ITFG1: variants seen among roughly 807,000 people sequenced by gnomAD.
ITFG1 encodes T-cell immunomodulatory protein.
Under a neutral mutation model 81.8 loss-of-function variants are expected in ITFG1, and 34 were observed. The observed-to-expected ratio is 0.42, with a 90% CI of 0.32 to 0.55. The LOEUF is 0.55. ITFG1 is among the 20% of genes least tolerant of loss of function. The pLI is 0.17. For missense variants in ITFG1, 672 were observed against 755.4 expected, an observed-to-expected ratio of 0.89 and a Z score of 1.29; for synonymous variants, 285 against 270.6, an observed-to-expected ratio of 1.05 and a Z score of -0.52.
chr16:47,326,035 A>G (rs1967534592), intron 8 of ITFG1, among the ~76,000 whole-genome samples: 1 of 152,238 alleles, frequency 6.6e-6, no homozygotes, highest in Non-Finnish European at 1.5e-5. Flanking sequence ...AGAGAATTTT[A>G]GACCAATATC....
rs967340276 is a variant in ITFG1, at chr16:47,377,996, G to T, written c.656-2056C>A. 2.0e-5 allele frequency among the ~76,000 whole-genome samples: 3 copies of T among 152,296 alleles called. No homozygotes were observed. In the East Asian group the frequency reaches 5.8e-4, roughly 29 times the overall value. ...TGGGGAAAGAAGGGTCTACGTTAAA[G>T]TGTTTCATTAAAAATAATCACAGTG... On this transcript the variant is annotated intron_variant, in intron 6 of 17. Transcript: ENST00000320640.
chr16:47,388,367 T>A (rs2151594852), intron 6 of ITFG1, among the ~76,000 whole-genome samples: 1 of 152,174 alleles, frequency 6.6e-6, no homozygotes, highest in South Asian at 2.1e-4. Context: ...TGATGCAGAA[T>A]AAATGCAAAG....
intron 12 of ITFG1, among the ~76,000 whole-genome samples, chr16:47,244,625 G>C (rs1965977163): frequency 6.7e-6 from 1 of 149,700 alleles, no homozygotes; most frequent in Non-Finnish European, 1.5e-5. Context: ...GTGTGTGTGT[G>C]TGTGTGTGTG....
At chr16:47,353,651 C>T (rs1475503069) in intron 8 of ITFG1, among the ~76,000 whole-genome samples, 1 of 151,594 alleles carries the variant, frequency 6.6e-6, no homozygotes, top group Non-Finnish European at 1.5e-5. Context: ...CCCTAGACTC[C>T]ATCAAAAAAA....
intron 8 of ITFG1, among the ~76,000 whole-genome samples, chr16:47,332,232 G>T (rs968276642): frequency 4.6e-5 from 7 of 151,830 alleles, no homozygotes; most frequent in Non-Finnish European, 1.5e-5. Context: ...AAAAAGAAGG[G>T]TAGAGGTAGA....
chr16:47,383,704 G>A (rs934137547), intron 6 of ITFG1, among the ~76,000 whole-genome samples: 1 of 152,160 alleles, frequency 6.6e-6, no homozygotes, highest in Non-Finnish European at 1.5e-5. Flanking sequence ...TCAGGAGTTC[G>A]AGACCAGCTG....
intron 6 of ITFG1, among the ~76,000 whole-genome samples, chr16:47,378,946 T>C (rs537771056): frequency 5.5e-4 from 84 of 152,350 alleles, no homozygotes; most frequent in Non-Finnish European, 5.9e-5. Context: ...CTGTCATGGA[T>C]GTGACATGCC....
chr16:47,416,035 A>G (rs1186814140), intron 6 of ITFG1, among the ~76,000 whole-genome samples: 3 of 152,196 alleles, frequency 2.0e-5, no homozygotes, highest in Non-Finnish European at 4.4e-5. Flanking sequence ...CAGAGGCTGC[A>G]ATGAGCCAAG....
chr16:47,181,220 C>T (rs367850685), intron 14 of ITFG1, among the ~76,000 whole-genome samples: 11 of 149,332 alleles, frequency 7.4e-5, no homozygotes, highest in Admixed American at 3.3e-4. Flanking sequence ...ACCCTCTGCC[C>T]GGCAGCCGCC....
intron 10 of ITFG1, among the ~76,000 whole-genome samples, chr16:47,264,829 G>A (rs1966257332): frequency 6.6e-6 from 1 of 152,098 alleles, no homozygotes; most frequent in Non-Finnish European, 1.5e-5. Context: ...TCATTCTTCT[G>A]ATGATGACAG....
Position 47,461,032 on chromosome 16 carries a change from C to G in ITFG1, c.14G>C (p.Gly5Ala). The change falls in exon 1 of 18, where the codon GGC becomes GCC. Residue 5 changes from glycine to alanine, a missense_variant. Physicochemically the swap from Gly to Ala is moderately conservative, Grantham distance 60 (BLOSUM62 0). Transcript: ENST00000320640. MAAA[G>A]RLPSSWALFS... ...GAGGGCCCAGGAGCTCGGGAGCCGG[C>G]CCGCCGCCGCCATGGCAGCCCCTCA... The G allele has an allele frequency of 1.3e-6, 2 of 1,541,190 alleles. No individual in the cohort carries two copies. Among genetic ancestry groups the G allele is most frequent in the Non-Finnish European group, 1.7e-6 (2 of 1,145,638 alleles).
intron 6 of ITFG1, among the ~76,000 whole-genome samples, chr16:47,427,312 A>ACCC (rs1428580351): frequency 6.6e-6 from 1 of 152,192 alleles, no homozygotes. Context: ...AACATACAGC[A>ACCC]ACACCTAGGA....
intron 6 of ITFG1, among the ~76,000 whole-genome samples, chr16:47,379,688 CAA>C (rs796178640): frequency 3.9e-4 from 29 of 73,924 alleles, no homozygotes; most frequent in Admixed American, 6.2e-4. Context: ...TATTCCATCT[CAA>C]AAAAAAAAAA....
At chr16:47,449,522 A>T (rs1385428812) in intron 5 of ITFG1, 1 of 152,212 alleles carries the variant, frequency 6.6e-6, no homozygotes, top group African/African-American at 2.4e-5. Context: ...AAACAATGCA[A>T]ATTTCTGTCA....
intron 10 of ITFG1, among the ~76,000 whole-genome samples, chr16:47,276,846 G>T (rs1966403020): frequency 6.6e-6 from 1 of 152,118 alleles, no homozygotes; most frequent in African/African-American, 2.4e-5. Flanking sequence ...TTCTTTTGAT[G>T]CAATACACAA....
chr16:47,391,670 A>G lies in ITFG1; in HGVS notation c.656-15730T>C, dbSNP rs566229335. On this transcript the variant is annotated intron_variant, in intron 6 of 17. Transcript: ENST00000320640. ...TGTTATGCTTATGTGACCTATGTGA[A>G]AGGCTTCTGAAGATCCTTTTTGAAA... 2.6e-5 allele frequency among the ~76,000 whole-genome samples: 4 copies of G among 152,342 alleles called. No homozygotes were observed. In the East Asian group the frequency reaches 7.7e-4, roughly 29 times the overall value.
At chr16:47,355,585 C>G (rs890852908) in intron 8 of ITFG1, among the ~76,000 whole-genome samples, 1 of 152,152 alleles carries the variant, frequency 6.6e-6, no homozygotes, top group Non-Finnish European at 1.5e-5. Flanking sequence ...TTGCTAATTA[C>G]TGATTTGAAC....
intron 12 of ITFG1, among the ~76,000 whole-genome samples, chr16:47,245,826 T>G (rs1032403171): frequency 6.0e-5 from 9 of 151,126 alleles, no homozygotes; most frequent in Non-Finnish European, 1.0e-4. Context: ...GTCCCCTGCC[T>G]CCTCCTTTTT....
At chr16:47,199,146 T>C (rs1040975444) in intron 14 of ITFG1, among the ~76,000 whole-genome samples, 7 of 151,912 alleles carry the variant, frequency 4.6e-5, no homozygotes, top group African/African-American at 1.7e-4. Context: ...TCATGGCCCA[T>C]AATCCCAGTT....
Sources: allele counts gnomAD v4.1 joint callset (sites outside exome capture counted in the v4.1 genomes callset), GRCh38; gene constraint gnomAD v4.1.1; transcripts MANE v1.5; gene names NCBI Gene and HGNC (gene_info 2026-07-23, HGNC 2026-07-21).